The following CCDC88C variants were observed in gnomAD, a reference collection of about 807,000 sequenced individuals.
CCDC88C encodes coiled-coil and HOOK domain protein 88C, also known as protein Daple.
Under a neutral mutation model 198.8 loss-of-function variants are expected in CCDC88C, and 131 were observed. The observed-to-expected ratio is 0.66, with a 90% confidence interval of 0.57 to 0.76. The LOEUF (loss-of-function observed/expected upper bound fraction) is 0.76. Among genes scored for constraint, CCDC88C ranks in the 30% least tolerant of loss-of-function variants. The probability of loss-of-function intolerance (pLI) is 0.00; values close to 1 mark genes in which losing one functional copy is unlikely to be tolerated. For missense variants in CCDC88C, 2,553 were observed against 2,631.6 expected, an observed-to-expected ratio of 0.97 and a Z score of 0.65; for synonymous variants, 1,166 against 1,114.7, an observed-to-expected ratio of 1.05 and a Z score of -0.92.
At chr14:91,379,284 C>A in intron 3 of CCDC88C, 1 of 153,194 alleles carries the variant, frequency 6.5e-6, no homozygotes. Flanking sequence ...CTGACTCAAA[C>A]CCCAAGCTCC....
chr14:91,277,345 A>G (rs1348182352), intron 29 of CCDC88C, among the ~76,000 whole-genome samples: 1 of 152,214 alleles, frequency 6.6e-6, no homozygotes, highest in African/African-American at 2.4e-5. Context: ...TCAAAAAGAA[A>G]TTTTGTAAAA....
At chr14:91,380,011 C>T (rs1758744424) in intron 3 of CCDC88C, 2 of 651,976 alleles carry the variant, frequency 3.1e-6, no homozygotes, top group Non-Finnish European at 5.6e-6. Context: ...TGAGAACCAA[C>T]TCCACGCTGA....
Position 91,299,998 on chromosome 14 carries a change from C to T in CCDC88C, c.3708G>A (p.Ala1236=), listed in dbSNP as rs201695625. The change falls in exon 21 of 30, where the codon GCG becomes GCA. Residue 1236 remains alanine, a synonymous_variant. Coordinates refer to ENST00000389857, the MANE Select transcript of CCDC88C (RefSeq NM_001080414.4). ...REKVLTTERE[A]LQQEQRTNAL... ...CGTTTGTCCTCTGCTCCTGCTGCAG[C>T]GCCTCTCGCTCAGTGGTCAAGACCT... The T allele has an allele frequency of 5.3e-5, 84 of 1,598,176 alleles. No homozygotes were observed. Among genetic ancestry groups the T allele is most frequent in the African/African-American group, 1.5e-4 (11 of 74,830 alleles).
chr14:91,368,812 C>T (rs1032689097), intron 3 of CCDC88C, among the ~76,000 whole-genome samples: 1 of 152,224 alleles, frequency 6.6e-6, no homozygotes, highest in Non-Finnish European at 1.5e-5. Context: ...ATCTCACAAC[C>T]TCTTCCTGGA....
intron 13 of CCDC88C, among the ~76,000 whole-genome samples, chr14:91,317,979 T>C (rs1280765386): frequency 6.6e-6 from 1 of 152,208 alleles, no homozygotes; most frequent in East Asian, 1.9e-4. Context: ...AGAGAGATAA[T>C]ACTGCAGGCT....
At chr14:91,406,899 C>T (rs1289324105) in intron 3 of CCDC88C, among the ~76,000 whole-genome samples, 1 of 152,238 alleles carries the variant, frequency 6.6e-6, no homozygotes, top group Non-Finnish European at 1.5e-5. Flanking sequence ...GGCTCCCACA[C>T]CAGCCCTCCA....
chr14:91,357,301 G>A (rs1165842137), intron 4 of CCDC88C, among the ~76,000 whole-genome samples: 1 of 152,204 alleles, frequency 6.6e-6, no homozygotes, highest in Non-Finnish European at 1.5e-5. Context: ...GTCCAGGCTG[G>A]AGTGCAGTGG....
Position 91,307,165 on chromosome 14 carries a change from G to C in CCDC88C, c.3068C>G (p.Ser1023Cys). 6.2e-7 allele frequency: 1 copy of C among 1,613,944 alleles called. No individual in the cohort carries two copies. The highest frequency in any genetic ancestry group is 8.5e-7 in the Non-Finnish European group (1 of 1,179,896). Residue 1023 changes from serine to cysteine, a missense_variant, in exon 18 of 30, where the codon TCT (serine) becomes TGT (cysteine). Physicochemically the swap from Ser to Cys is moderately radical, Grantham distance 112. This residue lies in a region of CCDC88C where 1,260 missense variants were observed against 1,412.0 expected (regional missense o/e 0.89). Coordinates refer to ENST00000389857, the MANE Select transcript of CCDC88C (RefSeq NM_001080414.4). ...TGTCTTCCCCGCAGGGTGCTTGAAA[G>C]AGTTCTGCAAGTGCTGCCCCTCTCC... ...NQGEGQHLQN[S>C]FKHPAGKTAA...
chr14:91,293,519 T>C (rs1310864142), intron 23 of CCDC88C, among the ~76,000 whole-genome samples: 368 of 3,480 alleles, frequency 0.11, 92 homozygotes, highest in African/African-American at 0.12. Flanking sequence ...CCTACCTTCC[T>C]GTCCCCTCAC....
chr14:91,305,791 G>A lies in CCDC88C; in HGVS notation c.3331C>T (p.Leu1111=), dbSNP rs1287625940. ...SAFLQEHNTT[L]QTQTAKLQVE... is the part of the protein sequence containing the mutation. The stretch of plus-strand genomic sequence containing the variant: ...TGCAGCTTGGCGGTCTGGGTCTGCA[G>A]TGTGGTGTTGTGCTCCTGCAGGAAG... The change falls in exon 19 of 30, where the codon CTG becomes TTG. Residue 1111 remains leucine (L), a synonymous_variant. Coordinates refer to ENST00000389857, the MANE Select transcript of CCDC88C (RefSeq NM_001080414.4). The A allele has an allele frequency of 1.2e-6, 2 of 1,612,482 alleles. No individual in the cohort carries two copies. Among genetic ancestry groups the A allele is most frequent in the East Asian group, 2.2e-5 (1 of 44,830 alleles).
chr14:91,310,689 C>T (rs1596055940), intron 15 of CCDC88C, among the ~76,000 whole-genome samples: 2 of 152,266 alleles, frequency 1.3e-5, no homozygotes, highest in African/African-American at 4.8e-5. Flanking sequence ...GGATTACAGG[C>T]GCGAGCCACT....
intron 3 of CCDC88C, among the ~76,000 whole-genome samples, chr14:91,388,264 C>T (rs1032903459): frequency 1.3e-5 from 2 of 152,218 alleles, no homozygotes; most frequent in Non-Finnish European, 2.9e-5. Flanking sequence ...TCATCTGTCA[C>T]ACAGAAGTGA....
At chr14:91,378,001 A>G (rs897707851) in intron 3 of CCDC88C, among the ~76,000 whole-genome samples, 2 of 147,234 alleles carry the variant, frequency 1.4e-5, no homozygotes, top group African/African-American at 4.9e-5. Flanking sequence ...TTAAGTAAGG[A>G]AGAAGAGGAG....
At position 91,354,800 on chromosome 14, in the gene CCDC88C, C is replaced by T. The variant is rs138265678; in HGVS notation, c.340+4842G>A. On this transcript the variant is annotated intron_variant, in intron 4 of 29. Transcript: ENST00000389857. ...AACAACAACAAAAAACCCCAGGATT[C>T]CTGCTGTCATGAGAGCGTGCACCCT... Among the ~76,000 whole-genome samples the T allele has an allele frequency of 1.9e-4, 29 of 152,348 alleles. No homozygotes were observed. In the East Asian group the frequency reaches 5.6e-3, roughly 29 times the overall value.
chr14:91,352,800 G>A lies in CCDC88C; in HGVS notation c.340+6842C>T, dbSNP rs1050107093. Reference sequence around the variant, plus strand: ...CCACACCACACGGTGAGCAGGCATGGAGCCAGGGGCAGGACTGGGAGGGCC... The same window carrying A: ...CCACACCACACGGTGAGCAGGCATGAAGCCAGGGGCAGGACTGGGAGGGCC... On this transcript the variant is annotated intron_variant, in intron 4 of 29. Coordinates refer to ENST00000389857, the MANE Select transcript of CCDC88C (RefSeq NM_001080414.4). The surrounding 1 kb of genome is among the most constrained non-coding windows in gnomAD (Gnocchi z 4.2). 3.9e-5 allele frequency among the ~76,000 whole-genome samples: 6 copies of A among 152,232 alleles called. No homozygotes were observed. The highest frequency in any genetic ancestry group is 1.4e-4 in the African/African-American group (6 of 41,448).
Position 91,308,492 on chromosome 14 carries a change from T to C in CCDC88C, c.2865A>G (p.Thr955=). 1 of 1,613,786 alleles carries C rather than the reference T, an allele frequency of 6.2e-7. No individual in the cohort carries two copies. The highest frequency in any genetic ancestry group is 8.5e-7 in the Non-Finnish European group (1 of 1,179,832). Residue 955 remains threonine (T), a splice_region_variant and synonymous_variant, in exon 17 of 30, where the codon ACA becomes ACG. Transcript: ENST00000389857. ...LLQEDDSGSD[T]KYKILEGRNE... is the part of the protein sequence containing the mutation. Reference sequence around the variant, plus strand: ...TTCTGCCCTCCAAAATCTTGTATTTTCTGGAAAACACAAAGATACAATAGT... The same window carrying C: ...TTCTGCCCTCCAAAATCTTGTATTTCCTGGAAAACACAAAGATACAATAGT...
chr14:91,404,512 T>C (rs984285474), intron 3 of CCDC88C, among the ~76,000 whole-genome samples: 7 of 152,100 alleles, frequency 4.6e-5, no homozygotes, highest in African/African-American at 1.7e-4. Flanking sequence ...AAATACAGAC[T>C]CCCAACTTAC....
intron 3 of CCDC88C, among the ~76,000 whole-genome samples, chr14:91,396,655 C>G (rs771472053): frequency 1.3e-5 from 2 of 152,196 alleles, no homozygotes; most frequent in Non-Finnish European, 2.9e-5. Flanking sequence ...ATTCAGACCC[C>G]TTGCCCTCCG....
At chr14:91,323,298 C>T (rs1455344474) in intron 12 of CCDC88C, among the ~76,000 whole-genome samples, 2 of 152,204 alleles carry the variant, frequency 1.3e-5, no homozygotes, top group Non-Finnish European at 1.5e-5. Flanking sequence ...AAGAGCTGCC[C>T]TCTACAGAAC....
Sources: allele counts gnomAD v4.1 joint callset (sites outside exome capture counted in the v4.1 genomes callset), GRCh38; gene constraint gnomAD v4.1.1; regional missense constraint gnomAD v4.1.1; non-coding constraint Gnocchi (gnomAD v3.1); transcripts MANE v1.5; gene names NCBI Gene and HGNC (gene_info 2026-07-23, HGNC 2026-07-21).